The following CD109 variants were observed in gnomAD, a reference collection of about 807,000 sequenced individuals.
The protein encoded by CD109 is CD109 molecule, also known as CD109 antigen.
In CD109, 149 loss-of-function variants were observed where a neutral mutation model predicts 165.8. That is an observed-to-expected ratio of 0.90 (90% CI 0.79 to 1.03). The LOEUF (loss-of-function observed/expected upper bound fraction) is 1.03. Among genes scored for constraint, CD109 ranks in the 50% least tolerant of loss-of-function variants. The probability of loss-of-function intolerance (pLI) is 0.00; values close to 1 mark genes in which losing one functional copy is unlikely to be tolerated. For missense variants in CD109, 1,712 were observed against 1,677.8 expected, an observed-to-expected ratio of 1.02 and a Z score of -0.36; for synonymous variants, 585 against 592.1, an observed-to-expected ratio of 0.99 and a Z score of 0.18.
intron 21 of CD109, among the ~76,000 whole-genome samples, chr6:73,788,137 C>T (rs1774765732): frequency 6.6e-6 from 1 of 152,024 alleles, no homozygotes; most frequent in African/African-American, 2.4e-5. Context: ...GGAAATGGTG[C>T]CTATTAAGTG....
At chr6:73,820,238 C>G (rs1487560201) in intron 31 of CD109, among the ~76,000 whole-genome samples, 1 of 152,112 alleles carries the variant, frequency 6.6e-6, no homozygotes, top group Admixed American at 6.5e-5. Context: ...TCTCAGTATC[C>G]CATTCAGCAA....
chr6:73,717,955 A>G lies in CD109; in HGVS notation c.248-5296A>G, dbSNP rs1376033799. Reference sequence around the variant, plus strand: ...TTGTATGTTGATTTTGTATCCTGCAACTAGACTGAGTTTATCAGTTCTAAT... The same window carrying G: ...TTGTATGTTGATTTTGTATCCTGCAGCTAGACTGAGTTTATCAGTTCTAAT... On this transcript the variant is annotated intron_variant, in intron 2 of 32. Transcript: ENST00000287097. Among the ~76,000 whole-genome samples, 5 of 151,746 alleles carry G rather than the reference A, an allele frequency of 3.3e-5. No homozygotes were observed. The East Asian group carries it at 9.7e-4, about 30-fold the overall frequency.
chr6:73,731,677 G>A (rs1772374535), intron 4 of CD109, among the ~76,000 whole-genome samples: 1 of 152,168 alleles, frequency 6.6e-6, no homozygotes, highest in South Asian at 2.1e-4. Context: ...CATCTTAAAA[G>A]GATCACTGTC....
intron 8 of CD109, 72 bp downstream of exon 8, chr6:73,762,552 A>G: frequency 9.0e-7 from 1 of 1,105,706 alleles, no homozygotes; most frequent in Non-Finnish European, 1.3e-6. Context: ...AAGATTTAGT[A>G]CTGAATTAAC....
In CD109 at chr6:73,771,689, T is replaced by C. The variant is rs527745365; in HGVS notation, c.1827+108T>C. On this transcript the variant is annotated intron_variant, in intron 15 of 32. Transcript: ENST00000287097. ...AGAAAATTTCATTAGTTCCTTTGCA[T>C]GTGTAAGTCAATAATTAGTAAAGCT... The C allele has an allele frequency of 8.4e-5, 55 of 657,488 alleles. No individual in the cohort carries two copies. In the African/African-American group the frequency reaches 9.9e-4, roughly 12 times the overall value. The allele number at this position is 657,488 out of a possible 1,614,324, so 40.7% of individuals were successfully genotyped here.
At chr6:73,767,962 T>G in intron 13 of CD109, 93 bp from the exon 14 acceptor site, 1 of 1,022,130 alleles carries the variant, frequency 9.8e-7, no homozygotes, top group Non-Finnish European at 1.5e-6. Context: ...ATTCAAGAAT[T>G]TGTGTGTATG....
rs140749430 is a variant in CD109 at position 73,800,392 on chromosome 6, G to A, written c.2879-2828G>A. On this transcript the variant is annotated intron_variant, in intron 23 of 32. Transcript: ENST00000287097. Reference sequence around the variant, plus strand: ...TTGTTTCCATTATGTTACAATTACAGATGATGCTGTAATGAATAATCTTCT... The same window carrying A: ...TTGTTTCCATTATGTTACAATTACAAATGATGCTGTAATGAATAATCTTCT... 1.1e-3 allele frequency among the ~76,000 whole-genome samples: 166 copies of A among 152,292 alleles called. 1 individual carries two copies. Among genetic ancestry groups the A allele is most frequent in the African/African-American group, 3.8e-3 (159 of 41,554 alleles).
intron 2 of CD109, among the ~76,000 whole-genome samples, chr6:73,720,092 T>A (rs1193369657): frequency 6.6e-6 from 1 of 152,198 alleles, no homozygotes; most frequent in Non-Finnish European, 1.5e-5. Flanking sequence ...GGAATCGATG[T>A]CAGTGTCCAT....
chr6:73,819,061 C>T (rs1438263128), intron 31 of CD109, among the ~76,000 whole-genome samples: 1 of 152,186 alleles, frequency 6.6e-6, no homozygotes, highest in Non-Finnish European at 1.5e-5. Flanking sequence ...TTTTGAACTC[C>T]TGACTTCAAG....
chr6:73,798,532 C>T (rs751492877), intron 23 of CD109, among the ~76,000 whole-genome samples: 15 of 152,042 alleles, frequency 9.9e-5, no homozygotes, highest in Non-Finnish European at 2.2e-4. Flanking sequence ...TCACAGGACA[C>T]TCCCACAAGG....
At chr6:73,716,969 A>G (rs2150162068) in intron 2 of CD109, among the ~76,000 whole-genome samples, 1 of 152,338 alleles carries the variant, frequency 6.6e-6, no homozygotes, top group Non-Finnish European at 1.5e-5. Context: ...GGTGAGAGAC[A>G]GGGTCTAGTT....
upstream of CD109, among the ~76,000 whole-genome samples, chr6:73,692,098 G>A (rs1770700951): frequency 6.6e-6 from 1 of 151,994 alleles, no homozygotes; most frequent in African/African-American, 2.4e-5. Context: ...ATTCACTATC[G>A]CAAGAACAGC....
Position 73,761,014 on chromosome 6 carries a change from A to AACAC in CD109, c.759-1316_759-1313dup, listed in dbSNP as rs577598100. Among the ~76,000 whole-genome samples, 735 of 124,390 alleles carry AACAC rather than the reference A, an allele frequency of 5.9e-3. 4 individuals are homozygous for AACAC. The highest frequency in any genetic ancestry group is 0.013 in the African/African-American group (402 of 31,666). The allele number at this position is 124,390 out of a possible 152,430, so 81.6% of individuals were successfully genotyped here. On this transcript the variant is annotated intron_variant, in intron 7 of 32. Coordinates refer to ENST00000287097, the MANE Select transcript of CD109 (RefSeq NM_133493.5). ...GGGTGACAGAGTGAGACTGTGTCTA[A>AACAC]ACACACACACACACACACACACACA...
intron 3 of CD109, among the ~76,000 whole-genome samples, chr6:73,730,040 A>G (rs138706610): frequency 8.5e-5 from 13 of 152,296 alleles, no homozygotes; most frequent in African/African-American, 3.1e-4. Flanking sequence ...TCTGACCTGC[A>G]ATAACTGTTA....
chr6:73,705,420 G>T (rs887109181), intron 2 of CD109, among the ~76,000 whole-genome samples: 1 of 152,028 alleles, frequency 6.6e-6, no homozygotes, highest in Admixed American at 6.6e-5. Context: ...TGAGCAGATC[G>T]CTTGAGCTCA....
At chr6:73,684,816 C>T in the CD109 span, among the ~76,000 whole-genome samples, 1 of 152,134 alleles carries the variant, frequency 6.6e-6, no homozygotes, top group East Asian at 1.9e-4. Context: ...TCCTGAGTAG[C>T]TGGGACCACG....
the CD109 span, among the ~76,000 whole-genome samples, chr6:73,688,720 A>C: frequency 6.7e-5 from 10 of 149,826 alleles, no homozygotes; most frequent in Non-Finnish European, 1.0e-4. Context: ...TGAAGCTTCC[A>C]TAAAAATTCC....
At chr6:73,705,002 T>A (rs756966418) in intron 2 of CD109, among the ~76,000 whole-genome samples, 12 of 152,154 alleles carry the variant, frequency 7.9e-5, no homozygotes, top group Non-Finnish European at 1.5e-4. Context: ...ATATTTGGCC[T>A]TTGGAGGGAA....
chr6:73,779,950 A>G (rs142081883), intron 15 of CD109, among the ~76,000 whole-genome samples: 3 of 151,590 alleles, frequency 2.0e-5, no homozygotes, highest in Non-Finnish European at 4.4e-5. Context: ...TTTGATTATC[A>G]GTGAGGCTGA....
Sources: allele counts gnomAD v4.1 joint callset (sites outside exome capture counted in the v4.1 genomes callset), GRCh38; gene constraint gnomAD v4.1.1; transcripts MANE v1.5; gene names NCBI Gene and HGNC (gene_info 2026-07-23, HGNC 2026-07-21).